The following UBE4B variants were observed in gnomAD, a reference collection of about 807,000 sequenced individuals.
UBE4B encodes ubiquitination factor E4B.
UBE4B carries 27 observed loss-of-function variants against 148.1 expected under a neutral mutation model. The observed-to-expected ratio is 0.18, with a 90% CI of 0.13 to 0.25. UBE4B has a LOEUF of 0.25. Ranked by LOEUF, UBE4B falls within the 10% of genes least tolerant of loss-of-function variation. The pLI, the probability that UBE4B is intolerant of heterozygous loss-of-function variation, is 1.00. For synonymous variants in UBE4B, 596 were observed against 619.3 expected, an observed-to-expected ratio of 0.96 and a Z score of 0.56; for missense variants, 1,170 against 1,662.4, an observed-to-expected ratio of 0.70 and a Z score of 5.15.
intron 7 of UBE4B, 86 bp from the exon 8 acceptor site, chr1:10,117,373 T>C: frequency 6.3e-7 from 1 of 1,578,994 alleles, no homozygotes; most frequent in Non-Finnish European, 8.6e-7. Context: ...ACAGGGATCC[T>C]AACAGGCTTT....
intron 18 of UBE4B, among the ~76,000 whole-genome samples, chr1:10,146,578 C>T (rs57015590): frequency 0.029 from 4,450 of 152,224 alleles, 216 homozygotes; most frequent in African/African-American, 0.1. Context: ...GCATTTTGCC[C>T]GAGGGCAGCT....
intron 25 of UBE4B, among the ~76,000 whole-genome samples, chr1:10,174,425 G>C (rs1474518833): frequency 1.5e-4 from 23 of 151,526 alleles, no homozygotes; most frequent in African/African-American, 5.6e-4. Flanking sequence ...ATTGGGCTGG[G>C]TGCGGTGGCT....
intron 9 of UBE4B, among the ~76,000 whole-genome samples, chr1:10,120,603 A>G (rs1239185828): frequency 6.6e-6 from 1 of 152,200 alleles, no homozygotes; most frequent in African/African-American, 2.4e-5. Context: ...TTGAGAGGCC[A>G]AGGCAGATGG....
intron 2 of UBE4B, among the ~76,000 whole-genome samples, chr1:10,086,361 G>T (rs1476372158): frequency 6.6e-6 from 1 of 152,120 alleles, no homozygotes; most frequent in Non-Finnish European, 1.5e-5. Context: ...ACCCGCCTTG[G>T]CCTCCCAAAG....
At chr1:10,090,167 C>G (rs952124055) in intron 2 of UBE4B, among the ~76,000 whole-genome samples, 2 of 151,516 alleles carry the variant, frequency 1.3e-5, no homozygotes, top group Non-Finnish European at 2.9e-5. Context: ...TTGCCCAGGC[C>G]GAAGTGCAGA....
At chr1:10,108,206 G>A (rs570406886) in intron 7 of UBE4B, among the ~76,000 whole-genome samples, 12 of 44,742 alleles carry the variant, frequency 2.7e-4, no homozygotes, top group South Asian at 6.9e-4. Context: ...AGCCTCCACC[G>A]CCCCCCTGTT....
intron 23 of UBE4B, among the ~76,000 whole-genome samples, chr1:10,166,837 A>T (rs137984053): frequency 0.012 from 1,806 of 152,100 alleles, 22 homozygotes; most frequent in Non-Finnish European, 0.017. Flanking sequence ...AGGCAGGAGA[A>T]TGGCTCGAAC....
intron 27 of UBE4B, 97 bp downstream of exon 27, chr1:10,179,659 C>G: frequency 6.4e-7 from 1 of 1,560,100 alleles, no homozygotes. Context: ...GGAAATTTAT[C>G]AAATGCAGAA....
intron 22 of UBE4B, 124 bp downstream of exon 22, chr1:10,158,606 T>G: frequency 7.8e-7 from 1 of 1,285,362 alleles, no homozygotes; most frequent in Non-Finnish European, 1.1e-6. Flanking sequence ...TCCTTTGAGT[T>G]TACCACAAGA....
chr1:10,114,606 G>A (rs1479410317), intron 7 of UBE4B, among the ~76,000 whole-genome samples: 17 of 152,162 alleles, frequency 1.1e-4, no homozygotes, highest in Admixed American at 1.1e-3. Context: ...GCTCACACCT[G>A]TAATCCCAGC....
In UBE4B at chr1:10,105,864, T is replaced by C. The variant is rs1645096924; in HGVS notation, c.809+120T>C. ...CATACAGGGTATGGCATATATCATA[T>C]TTGGGGAGGTGGATTTAGTCATTGG... On this transcript the variant is annotated intron_variant, in intron 6 of 27. Coordinates refer to ENST00000343090, the MANE Select transcript of UBE4B (RefSeq NM_001105562.3). 5.7e-6 allele frequency: 6 copies of C among 1,059,174 alleles called. No homozygotes were observed. The Admixed American group carries it at 7.8e-5, about 14-fold the overall frequency. The allele number at this position is 1,059,174 out of a possible 1,614,324, so 65.6% of individuals were successfully genotyped here.
In UBE4B at chr1:10,106,447, C is replaced by G. The variant is rs769331364; in HGVS notation, c.1060C>G (p.Pro354Ala). 32 of 1,613,848 alleles carry G rather than the reference C, an allele frequency of 2.0e-5. No homozygotes were observed. Among genetic ancestry groups the G allele is most frequent in the Non-Finnish European group, 2.7e-5 (32 of 1,179,972 alleles). Residue 354 changes from proline (P) to alanine (A), a missense_variant, in exon 7 of 28, where the codon CCT becomes GCT. By Grantham distance (27) the Pro-to-Ala change is conservative. Transcript: ENST00000343090. The surrounding 1 kb of genome is among the most constrained non-coding windows in gnomAD (Gnocchi z 4.2). The part of the protein sequence containing the change: ...VSILSSSPSP[P>A]ALASSPQAVP... ...CATTCTGTCGAGCTCCCCAAGTCCC[C>G]CTGCCCTCGCCAGTAGCCCCCAAGC...
intron 19 of UBE4B, among the ~76,000 whole-genome samples, chr1:10,148,861 A>G (rs1200299562): frequency 6.6e-6 from 1 of 151,670 alleles, no homozygotes. Flanking sequence ...AATCGATTGA[A>G]CTGGGGAGGT....
At chr1:10,113,071 T>C (rs560524421) in intron 7 of UBE4B, among the ~76,000 whole-genome samples, 156 of 152,308 alleles carry the variant, frequency 1.0e-3, no homozygotes, top group African/African-American at 3.1e-3. Context: ...AGAGGTTTAA[T>C]TGGCTCATGG....
chr1:10,044,722 T>C (rs1315003242), intron 1 of UBE4B, among the ~76,000 whole-genome samples: 1 of 151,910 alleles, frequency 6.6e-6, no homozygotes, highest in Non-Finnish European at 1.5e-5. Context: ...CTTGGGACCA[T>C]AGGCGCACGC....
chr1:10,166,952 CACACACACACACACACACAA>C (rs1286153237), intron 23 of UBE4B, among the ~76,000 whole-genome samples: 1 of 138,030 alleles, frequency 7.2e-6, no homozygotes, highest in Non-Finnish European at 1.5e-5. Context: ...CACACACACA[CACACACACACACACACACAA>C]AAAAAAAAAA....
chr1:10,099,940 A>G (rs1374371453), intron 3 of UBE4B, among the ~76,000 whole-genome samples: 1 of 152,158 alleles, frequency 6.6e-6, no homozygotes, highest in African/African-American at 2.4e-5. Flanking sequence ...ACCAGTTTTT[A>G]TAATAAGACT....
intron 23 of UBE4B, among the ~76,000 whole-genome samples, chr1:10,162,770 CCTCA>C (rs749953447): frequency 5.3e-5 from 8 of 152,060 alleles, no homozygotes; most frequent in Admixed American, 2.0e-4. Flanking sequence ...AGTTTTCAAC[CCTCA>C]CTCCTCCCTC....
chr1:10,135,579 A>G (rs1169264489), intron 16 of UBE4B, among the ~76,000 whole-genome samples: 2 of 152,122 alleles, frequency 1.3e-5, no homozygotes, highest in African/African-American at 2.4e-5. Flanking sequence ...TCTACTAAAA[A>G]TACAAAAATT....
Sources: allele counts gnomAD v4.1 joint callset (sites outside exome capture counted in the v4.1 genomes callset), GRCh38; gene constraint gnomAD v4.1.1; non-coding constraint Gnocchi (gnomAD v3.1); transcripts MANE v1.5; gene names NCBI Gene and HGNC (gene_info 2026-07-23, HGNC 2026-07-21).